The following ST6GALNAC3 variants were observed in gnomAD, a reference collection of about 807,000 sequenced individuals.
The protein encoded by ST6GALNAC3 is ST6 N-acetylgalactosaminide alpha-2,6-sialyltransferase 3.
A neutral mutation model predicts 32.7 loss-of-function variants in ST6GALNAC3; 25 were observed. The ratio of observed to expected loss-of-function variants is 0.76; its 90% CI spans 0.56 to 1.07. The LOEUF is 1.07. Among genes scored for constraint, ST6GALNAC3 ranks in the 50% least tolerant of loss-of-function variants. The pLI, the probability that ST6GALNAC3 is intolerant of heterozygous loss-of-function variation, is 0.00. For missense variants in ST6GALNAC3, 355 were observed against 382.4 expected, an observed-to-expected ratio of 0.93 and a Z score of 0.60; for synonymous variants, 129 against 133.1, an observed-to-expected ratio of 0.97 and a Z score of 0.21.
At chr1:76,131,153 A>AT (rs1284351062) in intron 1 of ST6GALNAC3, among the ~76,000 whole-genome samples, 1 of 152,170 alleles carries the variant, frequency 6.6e-6, no homozygotes. Flanking sequence ...CTTCTCCGTA[A>AT]TACTCTGTTG....
At chr1:76,618,965 G>A (rs1455565289) in intron 3 of ST6GALNAC3, among the ~76,000 whole-genome samples, 1 of 152,148 alleles carries the variant, frequency 6.6e-6, no homozygotes, top group African/African-American at 2.4e-5. Flanking sequence ...GAGAAAATCT[G>A]TGGTCACTGA....
At chr1:76,235,871 T>G (rs548672015) in intron 1 of ST6GALNAC3, among the ~76,000 whole-genome samples, 1 of 151,520 alleles carries the variant, frequency 6.6e-6, no homozygotes, top group East Asian at 1.9e-4. Flanking sequence ...CATGGTGTTC[T>G]CCCCTGTGTA....
At chr1:76,182,998 G>A (rs554867622) in intron 1 of ST6GALNAC3, among the ~76,000 whole-genome samples, 84 of 152,236 alleles carry the variant, frequency 5.5e-4, no homozygotes, top group Middle Eastern at 3.4e-3. Context: ...TCTATGGCTA[G>A]ACATTAGGAC....
intron 3 of ST6GALNAC3, among the ~76,000 whole-genome samples, chr1:76,562,552 C>T (rs1665304807): frequency 2.0e-5 from 3 of 152,156 alleles, no homozygotes; most frequent in Admixed American, 2.0e-4. Context: ...GGGTAGAAAC[C>T]TCACTTTATT....
intron 1 of ST6GALNAC3, among the ~76,000 whole-genome samples, chr1:76,193,061 AT>A (rs1653993254): frequency 6.6e-6 from 1 of 152,230 alleles, no homozygotes; most frequent in South Asian, 2.1e-4. Flanking sequence ...TAGAAGTGTC[AT>A]ATAAAAACTA....
intron 1 of ST6GALNAC3, among the ~76,000 whole-genome samples, chr1:76,130,381 T>G (rs1294220039): frequency 6.6e-6 from 1 of 152,188 alleles, no homozygotes; most frequent in East Asian, 1.9e-4. Flanking sequence ...CAGGTAAGAA[T>G]GGCTCTCCAT....
At chr1:76,102,415 G>T (rs1180572234) in intron 1 of ST6GALNAC3, among the ~76,000 whole-genome samples, 1 of 152,052 alleles carries the variant, frequency 6.6e-6, no homozygotes, top group Non-Finnish European at 1.5e-5. Flanking sequence ...TACACGGGTG[G>T]GTTGAAATTT....
chr1:76,394,193 C>T lies in ST6GALNAC3; in HGVS notation c.214-17815C>T, dbSNP rs569873692. Among the ~76,000 whole-genome samples the T allele has an allele frequency of 6.6e-4, 101 of 152,260 alleles. 1 individual carries two copies. Among genetic ancestry groups the T allele is most frequent in the African/African-American group, 2.4e-3 (98 of 41,562 alleles). On this transcript the variant is annotated intron_variant, in intron 2 of 4. Transcript: ENST00000328299. ...GAGAAATCTATGCAGAAGCATATAG[C>T]TAGAAAGTAGCAGAGTGGTAATTGA... is the stretch of plus-strand genomic sequence containing the variant.
At chr1:76,586,109 C>G (rs1024763425) in intron 3 of ST6GALNAC3, among the ~76,000 whole-genome samples, 6 of 152,118 alleles carry the variant, frequency 3.9e-5, no homozygotes, top group African/African-American at 1.4e-4. Flanking sequence ...TAATCTCAAC[C>G]CTTCTTTTCA....
intron 2 of ST6GALNAC3, among the ~76,000 whole-genome samples, chr1:76,402,993 T>C (rs1412140374): frequency 6.6e-6 from 1 of 151,466 alleles, no homozygotes; most frequent in African/African-American, 2.4e-5. Flanking sequence ...ACCAACCTCC[T>C]CCTCTCAAAC....
intron 3 of ST6GALNAC3, among the ~76,000 whole-genome samples, chr1:76,550,237 C>A (rs1330206419): frequency 1.3e-5 from 2 of 151,962 alleles, no homozygotes; most frequent in African/African-American, 4.8e-5. Context: ...TATAAGAAAA[C>A]CTTCTTCATT....
chr1:76,125,002 T>C (rs1649149467), intron 1 of ST6GALNAC3, among the ~76,000 whole-genome samples: 1 of 152,244 alleles, frequency 6.6e-6, no homozygotes, highest in Non-Finnish European at 1.5e-5. Flanking sequence ...TTATATTAAC[T>C]AGTGAATATT....
At chr1:76,077,392 G>A (rs182862470) in intron 1 of ST6GALNAC3, among the ~76,000 whole-genome samples, 1 of 152,154 alleles carries the variant, frequency 6.6e-6, no homozygotes, top group Non-Finnish European at 1.5e-5. Flanking sequence ...CTGACAAAAG[G>A]CATATTAACA....
At chr1:76,299,752 T>G (rs1660619441) in intron 1 of ST6GALNAC3, among the ~76,000 whole-genome samples, 1 of 152,088 alleles carries the variant, frequency 6.6e-6, no homozygotes, top group Non-Finnish European at 1.5e-5. Flanking sequence ...TTCACAATAA[T>G]GCATACTGAA....
intron 3 of ST6GALNAC3, among the ~76,000 whole-genome samples, chr1:76,582,663 G>A (rs949924330): frequency 6.6e-6 from 1 of 151,878 alleles, no homozygotes; most frequent in African/African-American, 2.4e-5. Flanking sequence ...TCCTTTTTTG[G>A]GACAGTATTA....
intron 1 of ST6GALNAC3, among the ~76,000 whole-genome samples, chr1:76,213,846 G>A (rs1275863045): frequency 6.6e-6 from 1 of 152,134 alleles, no homozygotes; most frequent in Non-Finnish European, 1.5e-5. Flanking sequence ...TGCTTTAGAT[G>A]GTGAACATCT....
intron 3 of ST6GALNAC3, among the ~76,000 whole-genome samples, chr1:76,511,988 A>T (rs1473643655): frequency 6.6e-6 from 1 of 152,060 alleles, no homozygotes; most frequent in Non-Finnish European, 1.5e-5. Flanking sequence ...GTGTCATGTG[A>T]TACTGTGTGT....
At chr1:76,159,481 G>A (rs1445692365) in intron 1 of ST6GALNAC3, among the ~76,000 whole-genome samples, 1 of 152,190 alleles carries the variant, frequency 6.6e-6, no homozygotes, top group East Asian at 1.9e-4. Flanking sequence ...ACCGCACCCG[G>A]TCTGGGCCCT....
At chr1:76,538,386 A>G (rs1054574084) in intron 3 of ST6GALNAC3, among the ~76,000 whole-genome samples, 1 of 152,196 alleles carries the variant, frequency 6.6e-6, no homozygotes, top group Non-Finnish European at 1.5e-5. Flanking sequence ...AATAAGAGCT[A>G]TTCATGACAA....
Sources: allele counts gnomAD v4.1 joint callset (sites outside exome capture counted in the v4.1 genomes callset), GRCh38; gene constraint gnomAD v4.1.1; transcripts MANE v1.5; gene names NCBI Gene and HGNC (gene_info 2026-07-23, HGNC 2026-07-21).